MARCHF1: variants seen among roughly 807,000 people sequenced by gnomAD.
The protein encoded by MARCHF1 is membrane associated ring-CH-type finger 1.
In MARCHF1, 40 loss-of-function variants were observed where a neutral mutation model predicts 54.2. The ratio of observed to expected loss-of-function variants is 0.74; its 90% CI spans 0.57 to 0.96. MARCHF1 has a LOEUF of 0.96. Ranked by LOEUF, MARCHF1 falls within the 40% of genes least tolerant of loss-of-function variation. MARCHF1 has a pLI of 0.00. For missense variants in MARCHF1, 586 were observed against 656.5 expected (o/e 0.89, Z 1.17); for synonymous variants, 236 against 236.3 (o/e 1.00, Z 0.01).
chr4:164,030,614 G>T (rs1242036126), intron 2 of MARCHF1, among the ~76,000 whole-genome samples: 1 of 152,166 alleles, frequency 6.6e-6, no homozygotes, highest in African/African-American at 2.4e-5. Context: ...TATGTCTGCT[G>T]AATATCCAGA....
intron 2 of MARCHF1, among the ~76,000 whole-genome samples, chr4:164,008,468 T>G (rs1415020277): frequency 6.6e-6 from 1 of 152,084 alleles, no homozygotes; most frequent in African/African-American, 2.4e-5. Context: ...TAAAACCACA[T>G]ATTAGATAAA....
intron 1 of MARCHF1, among the ~76,000 whole-genome samples, chr4:164,333,614 C>T (rs1431366424): frequency 2.0e-5 from 3 of 152,206 alleles, no homozygotes; most frequent in Non-Finnish European, 4.4e-5. Flanking sequence ...CCTCCAACTC[C>T]GTCCCTCTCC....
intron 1 of MARCHF1, among the ~76,000 whole-genome samples, chr4:164,375,952 C>G (rs1054922420): frequency 2.0e-5 from 3 of 152,194 alleles, no homozygotes; most frequent in Non-Finnish European, 2.9e-5. Context: ...CTGGCTGAGT[C>G]AAACTCCCCT....
intron 4 of MARCHF1, among the ~76,000 whole-genome samples, chr4:163,731,806 C>A (rs55742306): frequency 6.6e-6 from 1 of 152,092 alleles, no homozygotes; most frequent in African/African-American, 2.4e-5. Flanking sequence ...TCTTATAATT[C>A]GCAAGGAATC....
chr4:164,298,295 C>T (rs1734462830), intron 1 of MARCHF1, among the ~76,000 whole-genome samples: 1 of 151,918 alleles, frequency 6.6e-6, no homozygotes, highest in African/African-American at 2.4e-5. Context: ...AACTGTTCTA[C>T]AATGCTAAAA....
intron 5 of MARCHF1, among the ~76,000 whole-genome samples, chr4:163,634,955 G>A (rs199975262): frequency 0.015 from 1,576 of 105,200 alleles, 53 homozygotes; most frequent in East Asian, 0.12. Flanking sequence ...ACTCAAAACC[G>A]CTCAACTACA....
At chr4:163,926,288 T>C (rs1343079029) in intron 3 of MARCHF1, among the ~76,000 whole-genome samples, 1 of 151,766 alleles carries the variant, frequency 6.6e-6, no homozygotes, top group South Asian at 2.1e-4. Context: ...TTTCACTTAA[T>C]GTACTGTAAG....
intron 1 of MARCHF1, among the ~76,000 whole-genome samples, chr4:164,275,007 G>A (rs987698049): frequency 6.6e-6 from 1 of 151,178 alleles, no homozygotes; most frequent in African/African-American, 2.4e-5. Flanking sequence ...ACACTACTTT[G>A]AAGATCATAA....
chr4:164,167,413 C>CA (rs987747252), intron 1 of MARCHF1, among the ~76,000 whole-genome samples: 10 of 151,698 alleles, frequency 6.6e-5, no homozygotes, highest in African/African-American at 2.2e-4. Context: ...ATGTCCTTCA[C>CA]AAAAATAGAA....
At chr4:163,660,747 G>A (rs1394420895) in intron 5 of MARCHF1, among the ~76,000 whole-genome samples, 1 of 151,924 alleles carries the variant, frequency 6.6e-6, no homozygotes, top group African/African-American at 2.4e-5. Context: ...TATTAAACTT[G>A]TCAGAATTTC....
intron 1 of MARCHF1, among the ~76,000 whole-genome samples, chr4:164,268,081 A>C (rs1048447250): frequency 6.6e-6 from 1 of 152,304 alleles, no homozygotes; most frequent in South Asian, 2.1e-4. Context: ...CACACACACA[A>C]AAATCACACA....
intron 1 of MARCHF1, among the ~76,000 whole-genome samples, chr4:164,133,965 T>A (rs758511244): frequency 2.6e-5 from 4 of 152,218 alleles, no homozygotes; most frequent in Non-Finnish European, 4.4e-5. Flanking sequence ...ACTTTCTTAA[T>A]TATATTGAAA....
Position 164,306,466 on chromosome 4 carries a change from C to T in MARCHF1, c.-323+77404G>A, listed in dbSNP as rs139923578. 3.6e-3 allele frequency among the ~76,000 whole-genome samples: 555 copies of T among 152,184 alleles called. 3 individuals are homozygous for T. Among genetic ancestry groups the T allele is most frequent in the African/African-American group, 0.012 (510 of 41,528 alleles). ...TATTTGCCATATCATAATCATCAAC[C>T]TCTTGCTCAAAATTCAACTTCGAAT... On this transcript the variant is annotated intron_variant, in intron 1 of 9. Transcript: ENST00000514618.
At chr4:164,199,181 C>T (rs1456394201) in intron 1 of MARCHF1, among the ~76,000 whole-genome samples, 1 of 152,196 alleles carries the variant, frequency 6.6e-6, no homozygotes, top group African/African-American at 2.4e-5. Flanking sequence ...GTAAGACTTG[C>T]CTTGTGTACT....
chr4:163,862,690 C>A (rs1353048532), intron 3 of MARCHF1, among the ~76,000 whole-genome samples: 3 of 152,028 alleles, frequency 2.0e-5, no homozygotes, highest in African/African-American at 7.2e-5. Flanking sequence ...TCTTATCATA[C>A]AATCCAGCAA....
At chr4:164,110,165 TA>T (rs1755804956) in intron 2 of MARCHF1, among the ~76,000 whole-genome samples, 1 of 147,098 alleles carries the variant, frequency 6.8e-6, no homozygotes, top group African/African-American at 2.6e-5. Flanking sequence ...CACAGGTAGC[TA>T]AATGATTACT....
chr4:164,063,334 A>G (rs899085012), intron 2 of MARCHF1, among the ~76,000 whole-genome samples: 1 of 152,210 alleles, frequency 6.6e-6, no homozygotes, highest in Non-Finnish European at 1.5e-5. Context: ...TGTACATTAA[A>G]TATCTGTTGT....
In MARCHF1 at chr4:163,716,556, A is replaced by ATACAC. The variant is rs1486248054; in HGVS notation, c.112-15698_112-15694dup. Among the ~76,000 whole-genome samples the ATACAC allele has an allele frequency of 2.0e-5, 3 of 152,342 alleles. No homozygotes were observed. The East Asian group carries it at 5.8e-4, about 29-fold the overall frequency. On this transcript the variant is annotated intron_variant, in intron 4 of 9. Transcript: ENST00000514618. The stretch of plus-strand genomic sequence containing the variant: ...AATTAATAATGTTAAATTATTATTA[A>ATACAC]TACACGCCTTTTGCCGAGGAGTCCA...
At chr4:163,856,848 T>C (rs1468502210) in intron 3 of MARCHF1, among the ~76,000 whole-genome samples, 1 of 151,818 alleles carries the variant, frequency 6.6e-6, no homozygotes, top group Non-Finnish European at 1.5e-5. Flanking sequence ...CTGTCTCTAC[T>C]AAAAATACAA....
Sources: allele counts gnomAD v4.1 joint callset (sites outside exome capture counted in the v4.1 genomes callset), GRCh38; gene constraint gnomAD v4.1.1; transcripts MANE v1.5; gene names NCBI Gene and HGNC (gene_info 2026-07-23, HGNC 2026-07-21).